Variants in SGCZ observed in about 807,000 individuals in gnomAD.
The protein encoded by SGCZ is sarcoglycan zeta.
A neutral mutation model predicts 41.3 loss-of-function variants in SGCZ; 40 were observed. The ratio of observed to expected loss-of-function variants is 0.97; its 90% CI spans 0.75 to 1.26. SGCZ has a LOEUF of 1.26. Among genes scored for constraint, SGCZ ranks in the 50% most tolerant of loss-of-function variants. The probability of loss-of-function intolerance (pLI) is 0.00; values close to 1 mark genes in which losing one functional copy is unlikely to be tolerated. For missense variants in SGCZ, 552 were observed against 369.8 expected (o/e 1.49, Z -4.04); for synonymous variants, 206 against 137.5 (o/e 1.50, Z -3.49).
At chr8:14,429,088 T>C (rs989648407) in intron 2 of SGCZ, among the ~76,000 whole-genome samples, 1 of 152,224 alleles carries the variant, frequency 6.6e-6, no homozygotes, top group African/African-American at 2.4e-5. Context: ...ACTTGCTGTC[T>C]TAGAATAGAT....
chr8:14,989,755 G>A (rs993560403), intron 1 of SGCZ, among the ~76,000 whole-genome samples: 4 of 152,142 alleles, frequency 2.6e-5, no homozygotes, highest in Non-Finnish European at 5.9e-5. Flanking sequence ...CAGAAAGAGA[G>A]ATCGAAAATA....
chr8:15,038,516 A>AT (rs1477527939), intron 1 of SGCZ, among the ~76,000 whole-genome samples: 3 of 151,764 alleles, frequency 2.0e-5, no homozygotes, highest in Non-Finnish European at 4.4e-5. Context: ...GAAAAAAAAA[A>AT]CAAGGGAAAA....
chr8:14,134,317 A>G (rs1803129569), intron 5 of SGCZ, among the ~76,000 whole-genome samples: 1 of 152,154 alleles, frequency 6.6e-6, no homozygotes, highest in South Asian at 2.1e-4. Flanking sequence ...GAACATACAC[A>G]CTTTCAGAGC....
At chr8:14,841,173 T>C (rs1053784331) in intron 1 of SGCZ, among the ~76,000 whole-genome samples, 1 of 152,018 alleles carries the variant, frequency 6.6e-6, no homozygotes, top group Non-Finnish European at 1.5e-5. Context: ...GTCTGAAACA[T>C]TAAACCCAAA....
intron 4 of SGCZ, among the ~76,000 whole-genome samples, chr8:14,188,831 TTTG>T (rs200853549): frequency 0.066 from 1,530 of 23,262 alleles, 47 homozygotes; most frequent in South Asian, 0.29. Flanking sequence ...TTTGTTTTTT[TTTG>T]TTTGTTTGTT....
intron 2 of SGCZ, among the ~76,000 whole-genome samples, chr8:14,338,065 T>C (rs1381646104): frequency 6.6e-6 from 1 of 152,182 alleles, no homozygotes; most frequent in East Asian, 1.9e-4. Flanking sequence ...CAAGGATGGA[T>C]GCACAGGAGA....
chr8:14,273,021 A>T (rs1346534497), intron 3 of SGCZ, among the ~76,000 whole-genome samples: 1 of 152,028 alleles, frequency 6.6e-6, no homozygotes, highest in Non-Finnish European at 1.5e-5. Context: ...AAATTAAGTG[A>T]AATTTCTTAA....
chr8:14,739,906 A>G lies in SGCZ; in HGVS notation c.40-184980T>C, dbSNP rs184949100. ...CACTACAGCAAAACCTTTCCGTACC[A>G]CCCACCAAATAGAGGAGGCGTAATT... is the stretch of plus-strand genomic sequence containing the variant. On this transcript the variant is annotated intron_variant, in intron 1 of 7. Transcript: ENST00000382080. Among the ~76,000 whole-genome samples the G allele has an allele frequency of 3.9e-5, 6 of 152,068 alleles. No homozygotes were observed. The East Asian group carries it at 1.2e-3, about 29-fold the overall frequency.
intron 1 of SGCZ, among the ~76,000 whole-genome samples, chr8:15,126,495 C>T (rs1379489960): frequency 6.6e-6 from 1 of 151,944 alleles, no homozygotes; most frequent in Non-Finnish European, 1.5e-5. Context: ...AGAATGGATC[C>T]CTCCCCTCAA....
At chr8:15,053,019 T>G (rs1297861817) in intron 1 of SGCZ, among the ~76,000 whole-genome samples, 1 of 152,160 alleles carries the variant, frequency 6.6e-6, no homozygotes, top group Non-Finnish European at 1.5e-5. Flanking sequence ...GGAGAACAAC[T>G]TCAAAATCCA....
At chr8:14,525,067 T>C (rs1344498129) in intron 2 of SGCZ, among the ~76,000 whole-genome samples, 2 of 151,808 alleles carry the variant, frequency 1.3e-5, no homozygotes, top group Non-Finnish European at 2.9e-5. Flanking sequence ...ATGATGATGA[T>C]GATAGATAGA....
At chr8:14,518,386 T>A (rs1802688861) in intron 2 of SGCZ, among the ~76,000 whole-genome samples, 1 of 152,126 alleles carries the variant, frequency 6.6e-6, no homozygotes, top group Admixed American at 6.5e-5. Flanking sequence ...AAATAAATAT[T>A]ACACATGGAA....
At chr8:14,168,168 T>A (rs1007522228) in intron 4 of SGCZ, among the ~76,000 whole-genome samples, 3 of 152,128 alleles carry the variant, frequency 2.0e-5, no homozygotes, top group Non-Finnish European at 4.4e-5. Context: ...ACTAAAAGAT[T>A]CAAAATTTCC....
rs1000888613 is a variant in SGCZ, at chr8:14,223,050, T to C, written c.424+14542A>G. Reference sequence around the variant, plus strand: ...TGGTCTCGAACTTCTGATCTCATGATCCACCTACCTCGGCCTCCCAAAGTG... The same window carrying C: ...TGGTCTCGAACTTCTGATCTCATGACCCACCTACCTCGGCCTCCCAAAGTG... On this transcript the variant is annotated intron_variant, in intron 4 of 7. Coordinates refer to ENST00000382080, the MANE Select transcript of SGCZ (RefSeq NM_139167.4). Among the ~76,000 whole-genome samples, 16 of 152,002 alleles carry C rather than the reference T, an allele frequency of 1.1e-4. 1 individual carries two copies. The highest frequency in any genetic ancestry group is 3.9e-4 in the African/African-American group (16 of 41,372).
In SGCZ at chr8:14,833,963, G is replaced by C. The variant is rs73201270; in HGVS notation, c.40-279037C>G. Among the ~76,000 whole-genome samples the C allele has an allele frequency of 5.0e-3, 757 of 152,272 alleles. 6 individuals are homozygous for C. Among genetic ancestry groups the C allele is most frequent in the Middle Eastern group, 0.014 (4 of 294 alleles). On this transcript the variant is annotated intron_variant, in intron 1 of 7. Transcript: ENST00000382080. ...TTTAGCCTCGCTTAGAAATATTGTG[G>C]AAGCTACTTTAAAAATGACTACAGC...
At chr8:14,980,176 G>A (rs1801614205) in intron 1 of SGCZ, among the ~76,000 whole-genome samples, 1 of 152,174 alleles carries the variant, frequency 6.6e-6, no homozygotes, top group South Asian at 2.1e-4. Context: ...TGGATGTAAG[G>A]AAGGAAACGA....
chr8:15,096,224 G>A (rs1360003619), intron 1 of SGCZ, among the ~76,000 whole-genome samples: 1 of 151,484 alleles, frequency 6.6e-6, no homozygotes, highest in Non-Finnish European at 1.5e-5. Flanking sequence ...TTACAGGTGT[G>A]CACAACCACG....
chr8:14,869,409 C>A (rs1804060967), intron 1 of SGCZ, among the ~76,000 whole-genome samples: 1 of 152,128 alleles, frequency 6.6e-6, no homozygotes, highest in Non-Finnish European at 1.5e-5. Flanking sequence ...TAAAAACTCA[C>A]AATAAACTAG....
chr8:14,560,069 T>C (rs1170749034), intron 1 of SGCZ, among the ~76,000 whole-genome samples: 2 of 151,966 alleles, frequency 1.3e-5, no homozygotes, highest in Non-Finnish European at 2.9e-5. Flanking sequence ...AAAAAGAGAA[T>C]AGTATGAAGA....
Sources: gnomAD v4.1 joint callset for allele counts (sites outside exome capture counted in the v4.1 genomes callset) on GRCh38, gnomAD v4.1.1 for gene constraint, MANE v1.5 for transcripts, NCBI Gene and HGNC (gene_info 2026-07-23, HGNC 2026-07-21) for gene names.